The following RASSF9 variants were observed in gnomAD, a reference collection of about 807,000 sequenced individuals.
RASSF9 encodes the protein ras association domain-containing protein 9.
Under a neutral mutation model 21.4 loss-of-function variants are expected in RASSF9, and 18 were observed. The ratio of observed to expected loss-of-function variants is 0.84; its 90% CI spans 0.58 to 1.25. The LOEUF is 1.25. Ranked by LOEUF, RASSF9 falls within the 50% of genes most tolerant of loss-of-function variation. The pLI, the probability that RASSF9 is intolerant of heterozygous loss-of-function variation, is 0.00. For synonymous variants in RASSF9, 183 were observed against 179.1 expected, an observed-to-expected ratio of 1.02 and a Z score of -0.18; for missense variants, 480 against 503.2, an observed-to-expected ratio of 0.95 and a Z score of 0.44.
chr12:85,824,120 A>C (rs958212956), intron 1 of RASSF9, among the ~76,000 whole-genome samples: 1 of 151,832 alleles, frequency 6.6e-6, no homozygotes, highest in Non-Finnish European at 1.5e-5. Flanking sequence ...TTTTTTTTGC[A>C]TCTTGATATT....
At position 85,805,089 on chromosome 12, in the gene RASSF9, T is replaced by C. The variant is rs951650603; in HGVS notation, c.921A>G (p.Ala307=). 1 of 1,613,888 alleles carries C rather than the reference T, an allele frequency of 6.2e-7. No individual in the cohort carries two copies. The highest frequency in any genetic ancestry group is 1.3e-5 in the African/African-American group (1 of 74,928). The change falls in exon 2 of 2, where the codon GCA becomes GCG. Residue 307 remains alanine, a synonymous_variant. Transcript: ENST00000361228. ...DINEDAEGEA[A]SELESSNLES... ...CTAAATTAGAGCTTTCCAGTTCACT[T>C]GCAGCTTCCCCTTCCGCATCTTCAT...
At chr12:85,833,740 GT>G (rs2136565637) in intron 1 of RASSF9, among the ~76,000 whole-genome samples, 1 of 151,888 alleles carries the variant, frequency 6.6e-6, no homozygotes, top group East Asian at 1.9e-4. Context: ...TTTTGTTATT[GT>G]TGTCTGTTAT....
intron 1 of RASSF9, among the ~76,000 whole-genome samples, chr12:85,809,466 G>T (rs1879904142): frequency 6.6e-6 from 1 of 151,968 alleles, no homozygotes; most frequent in Non-Finnish European, 1.5e-5. Context: ...TATAGTTGAT[G>T]CAGTAATAAA....
rs906000421 is a variant in RASSF9, at chr12:85,803,578, GCACATTTCTAATTAAAA to G, written c.*1107_*1123del. 4.6e-5 allele frequency: 7 copies of G among 151,966 alleles called. No individual in the cohort carries two copies. The highest frequency in any genetic ancestry group is 1.3e-4 in the Admixed American group (2 of 15,244). The allele number at this position is 151,966 out of a possible 1,614,324, so 9.4% of individuals were successfully genotyped here. Reference sequence around the variant, plus strand: ...AAGCAAAGAAGGGAGAGAGAAGAAAGCACATTTCTAATTAAAACACAAGCATAGTAGGCCATAATAAT... The same window carrying G: ...AAGCAAAGAAGGGAGAGAGAAGAAAGCACAAGCATAGTAGGCCATAATAAT... On this transcript the variant is annotated 3_prime_UTR_variant, in exon 2 of 2. Transcript: ENST00000361228.
At chr12:85,822,740 T>C (rs987245195) in intron 1 of RASSF9, among the ~76,000 whole-genome samples, 4 of 152,232 alleles carry the variant, frequency 2.6e-5, no homozygotes, top group Non-Finnish European at 4.4e-5. Context: ...AAACTCTTTT[T>C]ATCTTCTGCC....
At chr12:85,823,793 C>T (rs936002112) in intron 1 of RASSF9, among the ~76,000 whole-genome samples, 13 of 152,130 alleles carry the variant, frequency 8.5e-5, no homozygotes, top group Non-Finnish European at 1.0e-4. Flanking sequence ...TGAACTGAGC[C>T]CTCAGCCAAT....
rs1879750258 is a variant in RASSF9, at chr12:85,803,631, CA to C, written c.*1070del. 1 of 152,128 alleles carries C rather than the reference CA, an allele frequency of 6.6e-6. No individual in the cohort carries two copies. Among genetic ancestry groups the C allele is most frequent in the Non-Finnish European group, 1.5e-5 (1 of 67,998 alleles). The allele number at this position is 152,128 out of a possible 1,614,324, so 9.4% of individuals were successfully genotyped here. On this transcript the variant is annotated 3_prime_UTR_variant, in exon 2 of 2. Coordinates refer to ENST00000361228, the MANE Select transcript of RASSF9 (RefSeq NM_005447.4). ...GTAGGCCATAATAATGATTGTCAGT[CA>C]AGATAAGACCTAAATAATCCCTTCA...
At chr12:85,806,110 G>T (rs61928917) in intron 1 of RASSF9, 148 bp from the exon 2 acceptor site, 64,590 of 790,396 alleles carry the variant, frequency 0.082, 3,312 homozygotes, top group Middle Eastern at 0.16. Flanking sequence ...GCAGTGGTGC[G>T]GTCTCAGCTC....
At chr12:85,819,578 C>G (rs1880163486) in intron 1 of RASSF9, among the ~76,000 whole-genome samples, 1 of 152,032 alleles carries the variant, frequency 6.6e-6, no homozygotes, top group Non-Finnish European at 1.5e-5. Context: ...AAAATTATGC[C>G]CATTTTATGG....
intron 1 of RASSF9, among the ~76,000 whole-genome samples, chr12:85,831,251 A>G (rs1880443259): frequency 6.6e-6 from 1 of 152,210 alleles, no homozygotes; most frequent in Admixed American, 6.5e-5. Flanking sequence ...TGCCAATAAC[A>G]TAACATCAAA....
At chr12:85,808,485 GAGT>G (rs1044714630) in intron 1 of RASSF9, among the ~76,000 whole-genome samples, 11 of 152,070 alleles carry the variant, frequency 7.2e-5, no homozygotes, top group Non-Finnish European at 1.6e-4. Context: ...AGTAGCAAAA[GAGT>G]AGGTTAGAAA....
chr12:85,816,974 C>T (rs1880083412), intron 1 of RASSF9, among the ~76,000 whole-genome samples: 2 of 151,882 alleles, frequency 1.3e-5, no homozygotes, highest in South Asian at 2.1e-4. Context: ...ATGCCAAGTT[C>T]GGAAATAGAG....
chr12:85,833,355 A>G (rs1407825844), intron 1 of RASSF9, among the ~76,000 whole-genome samples: 2 of 151,944 alleles, frequency 1.3e-5, no homozygotes, highest in Non-Finnish European at 2.9e-5. Flanking sequence ...CATGGCAGGC[A>G]CTGTCCTGGA....
chr12:85,813,170 A>G (rs894618855), intron 1 of RASSF9, among the ~76,000 whole-genome samples: 3 of 151,940 alleles, frequency 2.0e-5, no homozygotes, highest in South Asian at 4.1e-4. Flanking sequence ...GGATTTATAT[A>G]CTACATGAAA....
intron 1 of RASSF9, among the ~76,000 whole-genome samples, chr12:85,828,958 T>A (rs1880393746): frequency 6.6e-6 from 1 of 152,114 alleles, no homozygotes; most frequent in African/African-American, 2.4e-5. Context: ...AAACACAAGA[T>A]CTTATGTACA....
intron 1 of RASSF9, among the ~76,000 whole-genome samples, 182 bp downstream of exon 1, chr12:85,835,972 TA>T (rs1181750618): frequency 2.0e-5 from 3 of 152,152 alleles, no homozygotes; most frequent in Non-Finnish European, 2.9e-5. Context: ...AGAATATCCT[TA>T]CTATCTAGGT....
intron 1 of RASSF9, among the ~76,000 whole-genome samples, chr12:85,829,415 C>T (rs576839934): frequency 6.6e-6 from 1 of 152,198 alleles, no homozygotes; most frequent in Admixed American, 6.5e-5. Flanking sequence ...TGACTTTCAA[C>T]CGACAATGTT....
intron 1 of RASSF9, among the ~76,000 whole-genome samples, chr12:85,820,867 C>G (rs555629563): frequency 6.6e-6 from 1 of 152,148 alleles, no homozygotes; most frequent in East Asian, 1.9e-4. Context: ...ACATTGAGGC[C>G]GGGCGCGGTG....
rs2136547511 is a variant in RASSF9, at chr12:85,803,575, A to G, written c.*1127T>C. 6.6e-6 allele frequency: 1 copy of G among 152,270 alleles called. No homozygotes were observed. The highest frequency in any genetic ancestry group is 1.9e-4 in the East Asian group (1 of 5,184). The allele number at this position is 152,270 out of a possible 1,614,324, so 9.4% of individuals were successfully genotyped here. Reference sequence around the variant, plus strand: ...AGTAAGCAAAGAAGGGAGAGAGAAGAAAGCACATTTCTAATTAAAACACAA... The same window carrying G: ...AGTAAGCAAAGAAGGGAGAGAGAAGGAAGCACATTTCTAATTAAAACACAA... On this transcript the variant is annotated 3_prime_UTR_variant, in exon 2 of 2. Transcript: ENST00000361228.
Sources: allele counts gnomAD v4.1 joint callset (sites outside exome capture counted in the v4.1 genomes callset), GRCh38; gene constraint gnomAD v4.1.1; transcripts MANE v1.5; gene names NCBI Gene and HGNC (gene_info 2026-07-23, HGNC 2026-07-21).